DLC1: variants seen among roughly 807,000 people sequenced by gnomAD.
The protein encoded by DLC1 is DLC1 Rho GTPase activating protein.
Under a neutral mutation model 140.3 loss-of-function variants are expected in DLC1, and 54 were observed. The observed-to-expected ratio is 0.38, with a 90% CI of 0.31 to 0.48. The LOEUF is 0.48. Among genes scored for constraint, DLC1 ranks in the 20% least tolerant of loss-of-function variants. The probability of loss-of-function intolerance (pLI) is 0.96; values close to 1 mark genes in which losing one functional copy is unlikely to be tolerated. For synonymous variants in DLC1, 986 were observed against 728.1 expected (o/e 1.35, Z -5.70); for missense variants, 2,536 against 1,907.0 (o/e 1.33, Z -6.14).
chr8:13,557,432 A>C (rs574292071), intron 1 of DLC1, among the ~76,000 whole-genome samples: 26 of 152,296 alleles, frequency 1.7e-4, no homozygotes, highest in African/African-American at 6.3e-4. Flanking sequence ...TTGTGAGGTC[A>C]GCCCGAAGGC....
Position 13,099,419 on chromosome 8 carries a change from T to A in DLC1, c.2918A>T (p.Glu973Val). Residue 973 changes from glutamate (E) to valine (V), a missense_variant, in exon 9 of 18, where the codon GAA (glutamate) becomes GTA (valine). Coordinates refer to ENST00000276297, the MANE Select transcript of DLC1 (RefSeq NM_182643.3). ...DLDSTGNSLN[E>V]PEEPSEIPER... Reference sequence around the variant, plus strand: ...CGGGATCTCGGAGGGCTCTTCCGGTTCATTCAGGGAGTTGCCTGTGCTGTC... The same window carrying A: ...CGGGATCTCGGAGGGCTCTTCCGGTACATTCAGGGAGTTGCCTGTGCTGTC... 1 of 1,614,136 alleles carries A rather than the reference T, an allele frequency of 6.2e-7. No homozygotes were observed. The highest frequency in any genetic ancestry group is 8.5e-7 in the Non-Finnish European group (1 of 1,180,016).
At chr8:13,126,151 C>G (rs887674318) in intron 5 of DLC1, among the ~76,000 whole-genome samples, 3 of 152,114 alleles carry the variant, frequency 2.0e-5, no homozygotes, top group Non-Finnish European at 4.4e-5. Context: ...ATCAGGCCCT[C>G]TAGGCTTGTG....
chr8:13,402,632 C>G (rs1837348329), intron 2 of DLC1, among the ~76,000 whole-genome samples: 1 of 152,178 alleles, frequency 6.6e-6, no homozygotes, highest in Non-Finnish European at 1.5e-5. Context: ...AAAGGACCAC[C>G]AGTGGCTGAT....
At chr8:13,114,343 C>T (rs1056162917) in intron 6 of DLC1, among the ~76,000 whole-genome samples, 1 of 152,190 alleles carries the variant, frequency 6.6e-6, no homozygotes, top group African/African-American at 2.4e-5. Context: ...GCCAGGGCGA[C>T]AGAGCGAGAC....
chr8:13,243,850 T>C (rs1829644762), intron 5 of DLC1, among the ~76,000 whole-genome samples: 1 of 152,226 alleles, frequency 6.6e-6, no homozygotes, highest in African/African-American at 2.4e-5. Context: ...TTCCTATTTG[T>C]TGATGACTCC....
In DLC1 at chr8:13,299,502, T is replaced by G. The variant is rs979218054; in HGVS notation, c.1348+5767A>C. ...TCTTTTTTTTTTTTTTTTTTTCTGG[T>G]TAAGCCATCTTTCACTTTGCCTCTC... is the stretch of plus-strand genomic sequence containing the variant. On this transcript the variant is annotated intron_variant, in intron 5 of 17. Transcript: ENST00000276297. Among the ~76,000 whole-genome samples, 88 of 142,272 alleles carry G rather than the reference T, an allele frequency of 6.2e-4. 1 individual carries two copies. The highest frequency in any genetic ancestry group is 2.2e-3 in the African/African-American group (86 of 38,886). 93.3% of individuals were successfully genotyped at this position (142,272 alleles called of 152,430 possible).
At chr8:13,165,750 C>T (rs1585818705) in intron 5 of DLC1, among the ~76,000 whole-genome samples, 1 of 152,184 alleles carries the variant, frequency 6.6e-6, no homozygotes, top group African/African-American at 2.4e-5. Context: ...AAAGGGCCGA[C>T]CACACATGAG....
At chr8:13,512,985 T>A (rs1481685) in intron 1 of DLC1, among the ~76,000 whole-genome samples, 26,047 of 117,154 alleles carry the variant, frequency 0.22, 3,003 homozygotes, top group Middle Eastern at 0.34. Flanking sequence ...TTTTTTTTTT[T>A]AAATTAGAGG....
At chr8:13,519,517 A>G (rs1802701738), upstream of DLC1, among the ~76,000 whole-genome samples, 1 of 152,210 alleles carries the variant, frequency 6.6e-6, no homozygotes, top group Non-Finnish European at 1.5e-5. Flanking sequence ...AATAAGCATC[A>G]TGCGCATGAT....
At chr8:13,121,558 T>G (rs1821071636) in intron 5 of DLC1, among the ~76,000 whole-genome samples, 1 of 152,058 alleles carries the variant, frequency 6.6e-6, no homozygotes, top group Non-Finnish European at 1.5e-5. Context: ...TTCTTTTCTT[T>G]TCTTTTTTGA....
At chr8:13,473,079 T>A (rs1585167733) in intron 2 of DLC1, among the ~76,000 whole-genome samples, 3 of 152,328 alleles carry the variant, frequency 2.0e-5, no homozygotes, top group South Asian at 4.1e-4. Context: ...TGACTATTAT[T>A]ATGCAGGTCA....
chr8:13,189,912 C>T (rs556596874), intron 5 of DLC1, among the ~76,000 whole-genome samples: 47 of 151,980 alleles, frequency 3.1e-4, no homozygotes, highest in African/African-American at 1.1e-3. Context: ...GCACTCTTGG[C>T]CCTGGCTTCC....
intron 2 of DLC1, among the ~76,000 whole-genome samples, chr8:13,443,452 G>C (rs1170524932): frequency 1.3e-5 from 2 of 150,834 alleles, no homozygotes; most frequent in African/African-American, 4.9e-5. Flanking sequence ...AAGGTCAGGA[G>C]ATCGAGACCA....
intron 5 of DLC1, among the ~76,000 whole-genome samples, chr8:13,205,668 G>T (rs543590129): frequency 6.6e-6 from 1 of 152,172 alleles, no homozygotes; most frequent in Non-Finnish European, 1.5e-5. Flanking sequence ...ACAAATTTAT[G>T]TTGGGCTGCA....
intron 5 of DLC1, among the ~76,000 whole-genome samples, chr8:13,127,707 G>C (rs1485966166): frequency 6.6e-6 from 1 of 152,192 alleles, no homozygotes; most frequent in East Asian, 1.9e-4. Flanking sequence ...GCCAGCCTGG[G>C]AAATGCTACC....
At chr8:13,196,095 T>TACACACAC (rs59429334) in intron 5 of DLC1, among the ~76,000 whole-genome samples, 8,034 of 147,048 alleles carry the variant, frequency 0.055, 330 homozygotes, top group African/African-American at 0.11. Context: ...TCTGTATTGA[T>TACACACAC]ACACACACAC....
At chr8:13,448,953 G>A (rs1563355890) in intron 2 of DLC1, among the ~76,000 whole-genome samples, 1 of 152,042 alleles carries the variant, frequency 6.6e-6, no homozygotes, top group African/African-American at 2.4e-5. Context: ...GTTCTTTCCC[G>A]CTATGGGTTT....
rs1398047003 is a variant in DLC1 at position 13,115,661 on chromosome 8, G to C, written c.1349-4C>G. On this transcript the variant is annotated splice_region_variant and splice_polypyrimidine_tract_variant and intron_variant, in intron 5 of 17. Coordinates refer to ENST00000276297, the MANE Select transcript of DLC1 (RefSeq NM_182643.3). ...CAAGCTTCCTTGGCTTCAATTTCTA[G>C]AACAGAACAGAAGAAAGACAAAATT... 1.9e-6 allele frequency: 3 copies of C among 1,613,660 alleles called. No individual in the cohort carries two copies. Among genetic ancestry groups the C allele is most frequent in the South Asian group, 1.1e-5 (1 of 90,972 alleles).
chr8:13,599,361 A>C (rs74898273), intron 1 of DLC1, among the ~76,000 whole-genome samples: 2,602 of 152,046 alleles, frequency 0.017, 91 homozygotes, highest in African/African-American at 0.059. Flanking sequence ...TTTGATAAAG[A>C]AAGAAAACCT....
Sources: gnomAD v4.1 joint callset for allele counts (sites outside exome capture counted in the v4.1 genomes callset) on GRCh38, gnomAD v4.1.1 for gene constraint, MANE v1.5 for transcripts, NCBI Gene and HGNC (gene_info 2026-07-23, HGNC 2026-07-21) for gene names.